Variants in GRIK1 observed in about 807,000 individuals in gnomAD.
The protein encoded by GRIK1 is glutamate receptor ionotropic, kainate 1.
A neutral mutation model predicts 105.7 loss-of-function variants in GRIK1; 69 were observed. That is an observed-to-expected ratio of 0.65 (90% CI 0.54 to 0.80). The LOEUF (loss-of-function observed/expected upper bound fraction) is 0.80. Ranked by LOEUF, GRIK1 falls within the 30% of genes least tolerant of loss-of-function variation. The probability of loss-of-function intolerance (pLI) is 0.00; values close to 1 mark genes in which losing one functional copy is unlikely to be tolerated. For synonymous variants in GRIK1, 438 were observed against 431.3 expected, an observed-to-expected ratio of 1.02 and a Z score of -0.19; for missense variants, 1,109 against 1,167.3, an observed-to-expected ratio of 0.95 and a Z score of 0.73.
intron 1 of GRIK1, among the ~76,000 whole-genome samples, chr21:29,877,773 A>G (rs1311560084): frequency 6.6e-6 from 1 of 152,222 alleles, no homozygotes; most frequent in African/African-American, 2.4e-5. Flanking sequence ...GTTGAGAATC[A>G]TGAAATCAAG....
intron 1 of GRIK1, among the ~76,000 whole-genome samples, chr21:29,883,366 T>C (rs1041413663): frequency 2.0e-5 from 3 of 152,018 alleles, no homozygotes; most frequent in African/African-American, 7.2e-5. Flanking sequence ...CTTTAGCAAG[T>C]AAAGAATTCT....
At chr21:29,748,672 G>A (rs1310958678) in intron 1 of GRIK1, among the ~76,000 whole-genome samples, 1 of 152,330 alleles carries the variant, frequency 6.6e-6, no homozygotes, top group East Asian at 1.9e-4. Context: ...GGATGAGATT[G>A]TGTGTTCTGG....
intron 16 of GRIK1, among the ~76,000 whole-genome samples, chr21:29,540,652 G>C (rs948995530): frequency 6.6e-6 from 1 of 152,132 alleles, no homozygotes; most frequent in Non-Finnish European, 1.5e-5. Context: ...TTGAGCTTCT[G>C]AACTGGGACC....
intron 1 of GRIK1, among the ~76,000 whole-genome samples, chr21:29,901,926 G>A (rs2070425404): frequency 6.6e-6 from 1 of 152,092 alleles, no homozygotes; most frequent in South Asian, 2.1e-4. Context: ...CAATCCAGCA[G>A]CACATCAAAA....
intron 1 of GRIK1, among the ~76,000 whole-genome samples, chr21:29,937,578 C>T (rs889336431): frequency 6.6e-6 from 1 of 152,128 alleles, no homozygotes; most frequent in Non-Finnish European, 1.5e-5. Flanking sequence ...TTTCCCTTCT[C>T]CTCCTGAGTT....
Position 29,732,333 on chromosome 21 carries a change from T to C in GRIK1, c.119-38270A>G, listed in dbSNP as rs115760210. On this transcript the variant is annotated intron_variant, in intron 1 of 17. Coordinates refer to ENST00000327783, the MANE Select transcript of GRIK1 (RefSeq NM_001330994.2). ...AGGCAACACTATTTTTAGTGTCAAA[T>C]TGATAATGGCACACATTATCCACCT... 3.4e-3 allele frequency among the ~76,000 whole-genome samples: 516 copies of C among 152,298 alleles called. 1 individual carries two copies. The highest frequency in any genetic ancestry group is 0.012 in the African/African-American group (493 of 41,558).
At chr21:29,928,944 ATCAAGG>A (rs2071475885) in intron 1 of GRIK1, among the ~76,000 whole-genome samples, 1 of 152,226 alleles carries the variant, frequency 6.6e-6, no homozygotes, top group Non-Finnish European at 1.5e-5. Context: ...CTGGGGCCAC[ATCAAGG>A]TCCTCACTTT....
chr21:29,563,788 C>T (rs2090543711), intron 14 of GRIK1, among the ~76,000 whole-genome samples: 2 of 152,252 alleles, frequency 1.3e-5, no homozygotes, highest in South Asian at 4.2e-4. Flanking sequence ...GAGATCGGCT[C>T]ATACAAACTG....
At chr21:29,685,176 A>G (rs2063466022) in intron 3 of GRIK1, among the ~76,000 whole-genome samples, 1 of 152,226 alleles carries the variant, frequency 6.6e-6, no homozygotes, top group Non-Finnish European at 1.5e-5. Context: ...TCTTTTTTAA[A>G]AAACTATATA....
chr21:29,699,854 G>A (rs1021025537), intron 1 of GRIK1, among the ~76,000 whole-genome samples: 2 of 151,962 alleles, frequency 1.3e-5, no homozygotes, highest in Non-Finnish European at 2.9e-5. Flanking sequence ...TCGGCATGTT[G>A]GTCAGGCTGG....
chr21:29,641,333 T>A lies in GRIK1; in HGVS notation c.1098+1493A>T, dbSNP rs557709525. Among the ~76,000 whole-genome samples, 7 of 152,324 alleles carry A rather than the reference T, an allele frequency of 4.6e-5. No individual in the cohort carries two copies. The East Asian group carries it at 5.8e-4, about 13-fold the overall frequency. On this transcript the variant is annotated intron_variant, in intron 7 of 17. Coordinates refer to ENST00000327783, the MANE Select transcript of GRIK1 (RefSeq NM_001330994.2). ...GATAGCGAATAAGTCTCATGAAATC[T>A]GATGGTTTTATAAATGGGATTTTCC...
intron 3 of GRIK1, among the ~76,000 whole-genome samples, chr21:29,682,043 G>A (rs1289730173): frequency 6.6e-6 from 1 of 152,188 alleles, no homozygotes; most frequent in African/African-American, 2.4e-5. Flanking sequence ...GGTTTTCCAA[G>A]CCTGGGCTTG....
intron 7 of GRIK1, among the ~76,000 whole-genome samples, chr21:29,626,249 C>T (rs1019822162): frequency 3.9e-5 from 6 of 152,038 alleles, no homozygotes; most frequent in African/African-American, 9.7e-5. Flanking sequence ...ACATGAGAGA[C>T]GGGGGACCAA....
chr21:29,552,345 A>C (rs765267877), intron 16 of GRIK1, among the ~76,000 whole-genome samples: 29 of 152,246 alleles, frequency 1.9e-4, no homozygotes, highest in Non-Finnish European at 3.2e-4. Flanking sequence ...GAATCATCAG[A>C]TATTCTCTGT....
chr21:29,555,447 T>C, intron 15 of GRIK1, 145 bp from the exon 16 acceptor site: 2 of 709,798 alleles, frequency 2.8e-6, no homozygotes, highest in South Asian at 1.8e-5. Flanking sequence ...GACAGGAAAG[T>C]TCACTCCTAT....
At chr21:29,671,215 C>T (rs1167986863) in intron 4 of GRIK1, among the ~76,000 whole-genome samples, 1 of 151,934 alleles carries the variant, frequency 6.6e-6, no homozygotes, top group East Asian at 1.9e-4. Context: ...CTCCACCTCC[C>T]AGGTTCAAGT....
At chr21:29,818,207 G>A (rs564631440) in intron 1 of GRIK1, among the ~76,000 whole-genome samples, 8 of 151,988 alleles carry the variant, frequency 5.3e-5, no homozygotes, top group Non-Finnish European at 1.0e-4. Context: ...ACATTATATT[G>A]TCTGGCCAAA....
chr21:29,810,630 T>G (rs1357164382), intron 1 of GRIK1, among the ~76,000 whole-genome samples: 8 of 152,184 alleles, frequency 5.3e-5, no homozygotes, highest in Non-Finnish European at 1.2e-4. Context: ...ATATTTTCTT[T>G]TTTTCACTTA....
chr21:29,817,152 G>T (rs778992202), intron 1 of GRIK1, among the ~76,000 whole-genome samples: 11 of 152,068 alleles, frequency 7.2e-5, no homozygotes, highest in Non-Finnish European at 1.3e-4. Context: ...CATTGGAAGG[G>T]CACAGGAGCC....
Sources: gnomAD v4.1 joint callset for allele counts (sites outside exome capture counted in the v4.1 genomes callset) on GRCh38, gnomAD v4.1.1 for gene constraint, MANE v1.5 for transcripts, NCBI Gene and HGNC (gene_info 2026-07-23, HGNC 2026-07-21) for gene names.